TYW1B: variants seen among roughly 807,000 people sequenced by gnomAD.
TYW1B encodes the protein S-adenosyl-L-methionine-dependent tRNA 4-demethylwyosine synthase TYW1B.
Under a neutral mutation model 86.9 loss-of-function variants are expected in TYW1B, and 73 were observed. The ratio of observed to expected loss-of-function variants is 0.84; its 90% CI spans 0.70 to 1.02. The LOEUF (loss-of-function observed/expected upper bound fraction) is 1.02. Among genes scored for constraint, TYW1B ranks in the 50% least tolerant of loss-of-function variants. TYW1B has a pLI of 0.00. For missense variants in TYW1B, 637 were observed against 827.4 expected, an observed-to-expected ratio of 0.77 and a Z score of 2.82; for synonymous variants, 248 against 292.8, an observed-to-expected ratio of 0.85 and a Z score of 1.56.
At chr7:72,721,924 G>A (rs1241183929) in intron 9 of TYW1B, among the ~76,000 whole-genome samples, 2 of 152,098 alleles carry the variant, frequency 1.3e-5, no homozygotes, top group Admixed American at 6.5e-5. Context: ...ATGTCATAGC[G>A]ATAAACCAAA....
At chr7:72,577,154 T>C (rs2129567492) in intron 13 of TYW1B, among the ~76,000 whole-genome samples, 1 of 145,730 alleles carries the variant, frequency 6.9e-6, no homozygotes, top group East Asian at 2.1e-4. Flanking sequence ...AAACTCCGAC[T>C]AACTAAATGA....
chr7:72,636,667 A>G (rs1554440800), intron 11 of TYW1B, among the ~76,000 whole-genome samples: 1 of 152,180 alleles, frequency 6.6e-6, no homozygotes, highest in African/African-American at 2.4e-5. Flanking sequence ...TTATGCATCT[A>G]TTAACCTTAT....
intron 11 of TYW1B, among the ~76,000 whole-genome samples, chr7:72,645,117 G>A (rs546401393): frequency 1.2e-4 from 18 of 152,250 alleles, no homozygotes; most frequent in African/African-American, 3.4e-4. Flanking sequence ...GTGAGCCGCC[G>A]CGCCCAGCCA....
At chr7:72,603,861 G>A (rs1273252041) in intron 13 of TYW1B, among the ~76,000 whole-genome samples, 1 of 152,056 alleles carries the variant, frequency 6.6e-6, no homozygotes, top group Admixed American at 6.6e-5. Flanking sequence ...AAGCTATCAA[G>A]GTCATCAAAA....
chr7:72,828,153 C>T lies in TYW1B; in HGVS notation c.-78G>A. 6.2e-7 allele frequency: 1 copy of T among 1,600,086 alleles called. No homozygotes were observed. Among genetic ancestry groups the T allele is most frequent in the Non-Finnish European group, 8.5e-7 (1 of 1,173,492 alleles). On this transcript the variant is annotated 5_prime_UTR_variant, in exon 1 of 14. Coordinates refer to ENST00000620995, the MANE Select transcript of TYW1B (RefSeq NM_001145440.3). ...TTCGCACTGGTACTGCGAGACGCAC[C>T]GAGCTACCTCGCGGCGTTAGCGCCG...
chr7:72,652,251 G>A (rs868910544), intron 11 of TYW1B, among the ~76,000 whole-genome samples: 7 of 151,656 alleles, frequency 4.6e-5, no homozygotes, highest in South Asian at 4.2e-4. Context: ...GGTGGCAGGC[G>A]CCTGAAGTCC....
intron 7 of TYW1B, among the ~76,000 whole-genome samples, chr7:72,753,480 ATTTTT>A (rs11359200): frequency 5.1e-5 from 7 of 138,584 alleles, no homozygotes; most frequent in Non-Finnish European, 7.7e-5. Flanking sequence ...ATCATTAGCA[ATTTTT>A]TTTTTTTTTT....
intron 8 of TYW1B, among the ~76,000 whole-genome samples, chr7:72,735,105 T>C (rs1200266085): frequency 3.9e-5 from 6 of 152,200 alleles, no homozygotes; most frequent in African/African-American, 9.6e-5. Flanking sequence ...CTACTGAATA[T>C]ACATCCAAAG....
At chr7:72,652,677 G>GTA (rs1813094118) in intron 11 of TYW1B, among the ~76,000 whole-genome samples, 1 of 152,040 alleles carries the variant, frequency 6.6e-6, no homozygotes, top group Non-Finnish European at 1.5e-5. Context: ...TAGTGATATA[G>GTA]TATACTGTAA....
chr7:72,650,583 A>G (rs1255484589), intron 11 of TYW1B, among the ~76,000 whole-genome samples: 1 of 152,178 alleles, frequency 6.6e-6, no homozygotes, highest in African/African-American at 2.4e-5. Context: ...AGTGCTATAA[A>G]TTCATCTCCT....
intron 10 of TYW1B, among the ~76,000 whole-genome samples, chr7:72,703,314 G>A (rs1296656506): frequency 1.3e-5 from 2 of 151,398 alleles, no homozygotes; most frequent in Admixed American, 6.6e-5. Context: ...GTGAGCCACC[G>A]CACCCAGCTT....
chr7:72,705,950 T>A (rs1304679043), intron 10 of TYW1B, among the ~76,000 whole-genome samples: 1 of 152,154 alleles, frequency 6.6e-6, no homozygotes, highest in Non-Finnish European at 1.5e-5. Context: ...AGCAATAACA[T>A]CAGCTATGAT....
chr7:72,807,790 A>C (rs1186353249), intron 4 of TYW1B, among the ~76,000 whole-genome samples: 1 of 152,190 alleles, frequency 6.6e-6, no homozygotes, highest in Non-Finnish European at 1.5e-5. Flanking sequence ...AATTTCCTAA[A>C]CTCAGTAATT....
intron 12 of TYW1B, among the ~76,000 whole-genome samples, chr7:72,624,526 C>A (rs2960927): frequency 0.44 from 67,521 of 151,956 alleles, 16,855 homozygotes; most frequent in African/African-American, 0.68. Context: ...GCAGTATGCT[C>A]TATTCTGTAA....
chr7:72,639,830 T>C (rs3015886), intron 11 of TYW1B, among the ~76,000 whole-genome samples: 66,921 of 148,586 alleles, frequency 0.45, 16,987 homozygotes, highest in African/African-American at 0.71. Context: ...TGGGCCGCTG[T>C]ACTCCAGCCT....
intron 11 of TYW1B, among the ~76,000 whole-genome samples, chr7:72,635,362 T>C (rs1476496163): frequency 2.0e-5 from 3 of 152,176 alleles, no homozygotes; most frequent in Admixed American, 2.0e-4. Flanking sequence ...TAGAGACGGT[T>C]CTCAACCAGG....
chr7:72,608,060 C>G (rs1444976302), intron 13 of TYW1B, among the ~76,000 whole-genome samples: 1 of 152,158 alleles, frequency 6.6e-6, no homozygotes, highest in Non-Finnish European at 1.5e-5. Flanking sequence ...AGCTGTCAAT[C>G]CAGAATACTT....
intron 6 of TYW1B, among the ~76,000 whole-genome samples, chr7:72,791,223 G>A (rs1554473319): frequency 6.6e-6 from 1 of 152,042 alleles, no homozygotes; most frequent in East Asian, 1.9e-4. Context: ...GCTCTTCTCT[G>A]TATAGGGCCA....
chr7:72,726,918 C>T (rs1787008874), intron 9 of TYW1B, among the ~76,000 whole-genome samples: 1 of 152,144 alleles, frequency 6.6e-6, no homozygotes, highest in Non-Finnish European at 1.5e-5. Context: ...CTTCACAAGG[C>T]AGCAGGAAGG....
Sources: gnomAD v4.1 joint callset for allele counts (sites outside exome capture counted in the v4.1 genomes callset) on GRCh38, gnomAD v4.1.1 for gene constraint, MANE v1.5 for transcripts, NCBI Gene and HGNC (gene_info 2026-07-23, HGNC 2026-07-21) for gene names.